The following UIMC1 variants were observed in gnomAD, a reference collection of about 807,000 sequenced individuals.
UIMC1 encodes BRCA1-A complex subunit RAP80.
A neutral mutation model predicts 84.9 loss-of-function variants in UIMC1; 42 were observed. That is an observed-to-expected ratio of 0.49 (90% CI 0.39 to 0.64). The LOEUF is 0.64. Among genes scored for constraint, UIMC1 ranks in the 30% least tolerant of loss-of-function variants. UIMC1 has a pLI of 0.00. For synonymous variants in UIMC1, 281 were observed against 293.0 expected (o/e 0.96, Z 0.42); for missense variants, 825 against 847.6 (o/e 0.97, Z 0.33).
At chr5:177,010,761 A>T (rs1481648546), upstream of UIMC1, among the ~76,000 whole-genome samples, 1 of 152,110 alleles carries the variant, frequency 6.6e-6, no homozygotes, top group East Asian at 1.9e-4. Flanking sequence ...GACCTCAGGT[A>T]AGCCGCCTGC....
At chr5:176,934,398 C>G (rs1763476808) in intron 10 of UIMC1, among the ~76,000 whole-genome samples, 1 of 152,078 alleles carries the variant, frequency 6.6e-6, no homozygotes, top group East Asian at 1.9e-4. Flanking sequence ...CAGTCATGTC[C>G]CTTTACGTTT....
chr5:176,991,908 T>A (rs1377740062), intron 1 of UIMC1, among the ~76,000 whole-genome samples: 1 of 151,876 alleles, frequency 6.6e-6, no homozygotes. Flanking sequence ...CTCCAGCCTG[T>A]GAGACAGAGC....
chr5:176,985,453 T>C (rs1385458570), intron 1 of UIMC1, among the ~76,000 whole-genome samples: 7 of 135,926 alleles, frequency 5.1e-5, no homozygotes, highest in Non-Finnish European at 1.1e-4. Flanking sequence ...GGGAATTCTG[T>C]CTCAAAAAAA....
intron 3 of UIMC1, among the ~76,000 whole-genome samples, chr5:176,971,087 T>G (rs1267757142): frequency 6.6e-6 from 1 of 152,186 alleles, no homozygotes; most frequent in Non-Finnish European, 1.5e-5. Flanking sequence ...GGCTGTAAGC[T>G]CCCATGAAGG....
chr5:176,987,420 T>C (rs1006599706), intron 1 of UIMC1, among the ~76,000 whole-genome samples: 3 of 151,682 alleles, frequency 2.0e-5, no homozygotes, highest in Non-Finnish European at 4.4e-5. Flanking sequence ...CTGAGGCTGG[T>C]GTATCACTCG....
intron 10 of UIMC1, among the ~76,000 whole-genome samples, chr5:176,919,883 T>C (rs1761482348): frequency 2.0e-5 from 3 of 152,228 alleles, no homozygotes; most frequent in South Asian, 4.1e-4. Flanking sequence ...ATTAGTAAGT[T>C]GTAAAATTGG....
chr5:176,915,520 G>A (rs562652354), intron 10 of UIMC1, among the ~76,000 whole-genome samples: 24 of 151,104 alleles, frequency 1.6e-4, no homozygotes, highest in Admixed American at 2.6e-4. Flanking sequence ...CAGTGGTGTG[G>A]TATCGGCTCA....
At chr5:176,916,199 A>G (rs1760961893) in intron 10 of UIMC1, among the ~76,000 whole-genome samples, 1 of 152,348 alleles carries the variant, frequency 6.6e-6, no homozygotes, top group African/African-American at 2.4e-5. Flanking sequence ...ATTATGAAAC[A>G]TATATCCAAA....
intron 1 of UIMC1, among the ~76,000 whole-genome samples, chr5:176,987,022 C>T (rs922696197): frequency 6.6e-6 from 1 of 152,044 alleles, no homozygotes; most frequent in Non-Finnish European, 1.5e-5. Context: ...GAGTTTGAGA[C>T]TAGCCTGGCC....
chr5:176,996,738 G>T (rs561685556), intron 1 of UIMC1, among the ~76,000 whole-genome samples: 12 of 152,098 alleles, frequency 7.9e-5, no homozygotes, highest in Non-Finnish European at 1.3e-4. Context: ...CAGAATATGA[G>T]TACCAACCAC....
chr5:177,003,354 G>C (rs1292760947), intron 1 of UIMC1, among the ~76,000 whole-genome samples: 1 of 152,066 alleles, frequency 6.6e-6, no homozygotes, highest in Non-Finnish European at 1.5e-5. Flanking sequence ...GTTGTATGGA[G>C]GATATAAAAC....
At chr5:177,013,983 G>C (rs1018922078) in intron 1 of UIMC1, among the ~76,000 whole-genome samples, 8 of 151,736 alleles carry the variant, frequency 5.3e-5, no homozygotes, top group African/African-American at 1.9e-4. Flanking sequence ...CTCCCAGAAG[G>C]AAAGTAGATG....
chr5:176,930,264 C>T (rs565924926), intron 10 of UIMC1, among the ~76,000 whole-genome samples: 81 of 152,238 alleles, frequency 5.3e-4, no homozygotes, highest in African/African-American at 1.8e-3. Context: ...TTTATACAAA[C>T]ACACAGTTTT....
intron 13 of UIMC1, among the ~76,000 whole-genome samples, chr5:176,906,656 T>C (rs1014885232): frequency 1.3e-5 from 2 of 152,246 alleles, no homozygotes; most frequent in African/African-American, 4.8e-5. Context: ...CTCCCTGCAA[T>C]GGTCTTAACC....
At chr5:176,981,679 T>C (rs1393093156) in intron 2 of UIMC1, among the ~76,000 whole-genome samples, 4 of 151,866 alleles carry the variant, frequency 2.6e-5, no homozygotes, top group Admixed American at 2.0e-4. Flanking sequence ...CTTGAGCCTG[T>C]AGTCCCAACT....
At chr5:176,987,615 C>T (rs1048665764) in intron 1 of UIMC1, among the ~76,000 whole-genome samples, 1 of 152,060 alleles carries the variant, frequency 6.6e-6, no homozygotes, top group Non-Finnish European at 1.5e-5. Flanking sequence ...CACACCACTG[C>T]CCTCCAGCCT....
intron 2 of UIMC1, among the ~76,000 whole-genome samples, chr5:176,977,577 C>A (rs1458228509): frequency 8.0e-6 from 1 of 125,200 alleles, no homozygotes; most frequent in African/African-American, 3.0e-5. Context: ...AGCAAGACTC[C>A]ATCTCAAAAA....
Position 176,914,130 on chromosome 5 carries a change from T to G in UIMC1, c.1598-2741A>C, listed in dbSNP as rs138531688. Among the ~76,000 whole-genome samples the G allele has an allele frequency of 2.1e-4, 32 of 151,632 alleles. No homozygotes were observed. In the East Asian group the frequency reaches 5.4e-3, roughly 26 times the overall value. On this transcript the variant is annotated intron_variant, in intron 10 of 14. Transcript: ENST00000511320. ...GTTACCAAGACAAGTCTCTTAATTCTGTACTTTGGTAACTAAGTTGCTGGG... is the reference window on the plus strand; with the variant it reads ...GTTACCAAGACAAGTCTCTTAATTCGGTACTTTGGTAACTAAGTTGCTGGG...
intron 9 of UIMC1, among the ~76,000 whole-genome samples, chr5:176,947,223 T>C (rs549734870): frequency 3.2e-4 from 49 of 152,252 alleles, no homozygotes; most frequent in Admixed American, 5.9e-4. Context: ...TTTCCCAGCA[T>C]CATTTAAAAA....
Sources: gnomAD v4.1 joint callset for allele counts (sites outside exome capture counted in the v4.1 genomes callset) on GRCh38, gnomAD v4.1.1 for gene constraint, MANE v1.5 for transcripts, NCBI Gene and HGNC (gene_info 2026-07-23, HGNC 2026-07-21) for gene names.